Variants in HS6ST3 observed in about 807,000 individuals in gnomAD.
HS6ST3 encodes heparan sulfate 6-O-sulfotransferase 3.
HS6ST3 carries 12 observed loss-of-function variants against 36.7 expected under a neutral mutation model. That is an observed-to-expected ratio of 0.33 (90% CI 0.21 to 0.53). HS6ST3 has a LOEUF of 0.53. HS6ST3 is among the 20% of genes least tolerant of loss of function. The probability of loss-of-function intolerance (pLI) is 0.95; values close to 1 mark genes in which losing one functional copy is unlikely to be tolerated. For missense variants in HS6ST3, 584 were observed against 640.9 expected (o/e 0.91, Z 0.96); for synonymous variants, 240 against 257.5 (o/e 0.93, Z 0.65).
intron 1 of HS6ST3, among the ~76,000 whole-genome samples, chr13:96,656,955 TTGTGTG>T (rs754838881): frequency 2.5e-3 from 311 of 122,266 alleles, no homozygotes; most frequent in Non-Finnish European, 3.8e-3. Flanking sequence ...GGCTTTTCTT[TTGTGTG>T]TGTGTGTGTG....
At chr13:96,150,058 A>G (rs1180104437) in intron 1 of HS6ST3, among the ~76,000 whole-genome samples, 5 of 152,172 alleles carry the variant, frequency 3.3e-5, no homozygotes, top group Non-Finnish European at 7.3e-5. Context: ...TGTTCCTGCC[A>G]TCCGCAGCTT....
At chr13:96,210,337 T>C (rs2054392605) in intron 1 of HS6ST3, among the ~76,000 whole-genome samples, 1 of 152,190 alleles carries the variant, frequency 6.6e-6, no homozygotes, top group South Asian at 2.1e-4. Flanking sequence ...GAAGAGACTT[T>C]TCCTGAGAAC....
chr13:96,123,638 G>A (rs949808886), intron 1 of HS6ST3, among the ~76,000 whole-genome samples: 1 of 152,136 alleles, frequency 6.6e-6, no homozygotes, highest in Admixed American at 6.5e-5. Context: ...CATTACTGAG[G>A]AAAACCATTC....
intron 1 of HS6ST3, among the ~76,000 whole-genome samples, chr13:96,310,999 C>G (rs1237692526): frequency 1.3e-5 from 2 of 152,148 alleles, no homozygotes; most frequent in Non-Finnish European, 2.9e-5. Flanking sequence ...TTCAGACTTA[C>G]ATGTGGAAGT....
At chr13:96,300,341 G>A (rs964618560) in intron 1 of HS6ST3, among the ~76,000 whole-genome samples, 5 of 151,986 alleles carry the variant, frequency 3.3e-5, no homozygotes, top group African/African-American at 9.7e-5. Context: ...ACAAGAGTGA[G>A]CCACCACACC....
chr13:96,201,003 T>A (rs2054339258), intron 1 of HS6ST3, among the ~76,000 whole-genome samples: 1 of 152,180 alleles, frequency 6.6e-6, no homozygotes, highest in South Asian at 2.1e-4. Context: ...GTATTCTGCC[T>A]GGTTATCTCT....
chr13:96,467,058 C>T (rs1346704415), intron 1 of HS6ST3, among the ~76,000 whole-genome samples: 1 of 152,172 alleles, frequency 6.6e-6, no homozygotes, highest in African/African-American at 2.4e-5. Context: ...CCACCTATAT[C>T]TTTGATATAT....
At chr13:96,662,594 A>G (rs577406654) in intron 1 of HS6ST3, among the ~76,000 whole-genome samples, 17 of 151,538 alleles carry the variant, frequency 1.1e-4, no homozygotes, top group Non-Finnish European at 1.8e-4. Flanking sequence ...CTTAAAATCT[A>G]TATTTTGAAT....
At chr13:96,504,942 C>T (rs1013239045) in intron 1 of HS6ST3, among the ~76,000 whole-genome samples, 2 of 152,168 alleles carry the variant, frequency 1.3e-5, no homozygotes, top group African/African-American at 4.8e-5. Flanking sequence ...AACAGTCAGG[C>T]TTCTCTTCCT....
At chr13:96,098,662 T>TAAAG (rs1286538620) in intron 1 of HS6ST3, among the ~76,000 whole-genome samples, 14 of 41,598 alleles carry the variant, frequency 3.4e-4, no homozygotes, top group Middle Eastern at 7.9e-3. Flanking sequence ...TCTCTAAAAA[T>TAAAG]AAATAAATAA....
At chr13:96,815,271 C>T (rs2138537964) in intron 1 of HS6ST3, among the ~76,000 whole-genome samples, 1 of 152,288 alleles carries the variant, frequency 6.6e-6, no homozygotes, top group Non-Finnish European at 1.5e-5. Flanking sequence ...ACATTGTCTT[C>T]ACTCCACATA....
intron 1 of HS6ST3, among the ~76,000 whole-genome samples, chr13:96,410,362 C>A (rs1163192893): frequency 6.6e-6 from 1 of 151,140 alleles, no homozygotes; most frequent in Non-Finnish European, 1.5e-5. Flanking sequence ...AGCAATTTTC[C>A]AAGGAAATAC....
At chr13:96,630,110 A>T (rs2139000319) in intron 1 of HS6ST3, among the ~76,000 whole-genome samples, 1 of 152,232 alleles carries the variant, frequency 6.6e-6, no homozygotes, top group Admixed American at 6.5e-5. Context: ...TTAAAAAAAT[A>T]TTTTTTTCAT....
intron 1 of HS6ST3, among the ~76,000 whole-genome samples, chr13:96,509,655 T>A (rs996871183): frequency 1.3e-5 from 2 of 152,098 alleles, no homozygotes; most frequent in East Asian, 3.9e-4. Context: ...GTTGGCTGTG[T>A]GTATTTGGCT....
At chr13:96,126,570 A>G (rs1025841113) in intron 1 of HS6ST3, among the ~76,000 whole-genome samples, 1 of 152,182 alleles carries the variant, frequency 6.6e-6, no homozygotes, top group African/African-American at 2.4e-5. Context: ...AGGGAAGTCC[A>G]TAGGGTCGTG....
intron 1 of HS6ST3, among the ~76,000 whole-genome samples, chr13:96,656,952 CTT>C (rs2056627299): frequency 1.9e-5 from 2 of 103,912 alleles, no homozygotes; most frequent in African/African-American, 7.7e-5. Context: ...TCTGGCTTTT[CTT>C]TTGTGTGTGT....
At chr13:96,431,199 G>T (rs2055613424) in intron 1 of HS6ST3, among the ~76,000 whole-genome samples, 2 of 149,606 alleles carry the variant, frequency 1.3e-5, no homozygotes, top group East Asian at 4.0e-4. Flanking sequence ...GTGAGACCTT[G>T]TCTCTAAAAC....
intron 1 of HS6ST3, among the ~76,000 whole-genome samples, chr13:96,608,888 A>G (rs1445524827): frequency 6.6e-6 from 1 of 152,126 alleles, no homozygotes; most frequent in Non-Finnish European, 1.5e-5. Context: ...ATCACTGGTA[A>G]TAATTCATTA....
intron 1 of HS6ST3, among the ~76,000 whole-genome samples, chr13:96,159,927 A>G (rs909241271): frequency 1.3e-5 from 2 of 152,078 alleles, no homozygotes; most frequent in African/African-American, 4.8e-5. Flanking sequence ...TTGATCTCTT[A>G]TTAGCTGCAT....
Sources: gnomAD v4.1 joint callset for allele counts (sites outside exome capture counted in the v4.1 genomes callset) on GRCh38, gnomAD v4.1.1 for gene constraint, MANE v1.5 for transcripts, NCBI Gene and HGNC (gene_info 2026-07-23, HGNC 2026-07-21) for gene names.